KLHL14: variants seen among roughly 807,000 people sequenced by gnomAD.
KLHL14 encodes kelch-like protein 14.
KLHL14 carries 22 observed loss-of-function variants against 64.3 expected under a neutral mutation model. The ratio of observed to expected loss-of-function variants is 0.34; its 90% CI spans 0.24 to 0.49. The LOEUF (loss-of-function observed/expected upper bound fraction) is 0.49. Among genes scored for constraint, KLHL14 ranks in the 20% least tolerant of loss-of-function variants. KLHL14 has a pLI of 0.99. For missense variants in KLHL14, 661 were observed against 789.0 expected (o/e 0.84, Z 1.94); for synonymous variants, 322 against 333.4 (o/e 0.97, Z 0.37).
intron 3 of KLHL14, among the ~76,000 whole-genome samples, chr18:32,729,355 A>G (rs1280939458): frequency 6.6e-6 from 1 of 152,162 alleles, no homozygotes; most frequent in Non-Finnish European, 1.5e-5. Context: ...TAAAATTAGA[A>G]ATTGAGTTTC....
In KLHL14 at chr18:32,680,323, A is replaced by G; in HGVS notation, c.1434T>C (p.Gly478=). The change falls in exon 7 of 9, where the codon GGT becomes GGC. Residue 478 remains glycine, a synonymous_variant. Coordinates refer to ENST00000359358, the MANE Select transcript of KLHL14 (RefSeq NM_020805.3). The surrounding 1 kb of genome is among the most constrained non-coding windows in gnomAD (Gnocchi z 4.8). ...VHNGKIYISG[G]VHNGEYVPWL... ...ATGGGACATATTCTCCATTGTGTAC[A>G]CCCCCTGTGAAATAAACATAGACAT... 6.2e-7 allele frequency: 1 copy of G among 1,613,696 alleles called. No homozygotes were observed. The highest frequency in any genetic ancestry group is 1.1e-5 in the South Asian group (1 of 91,072).
rs1172042838 is a variant in KLHL14, at chr18:32,674,663, G to A, written c.1881C>T (p.Asn627=). ...ATTCCAGAGTTTCCTGGTGTTATTT[G>A]TTGTATGGTACACAAGAGGGCAGAA... ...TVILPSCVPY[N]K The change falls in exon 9 of 9, where the codon AAC becomes AAT. Residue 627 remains asparagine, a synonymous_variant. Coordinates refer to ENST00000359358, the MANE Select transcript of KLHL14 (RefSeq NM_020805.3). 1.3e-6 allele frequency: 1 copy of A among 780,574 alleles called. No homozygotes were observed. Among genetic ancestry groups the A allele is most frequent in the Middle Eastern group, 2.3e-4 (1 of 4,434 alleles). 48.4% of individuals were successfully genotyped at this position (780,574 alleles called of 1,614,324 possible). A position where few individuals can be genotyped will look rare whatever the true frequency, so the allele number is the denominator to read the frequency against.
intron 2 of KLHL14, among the ~76,000 whole-genome samples, chr18:32,760,339 T>TACACAC (rs60814600): frequency 1.4e-3 from 205 of 146,944 alleles, no homozygotes; most frequent in African/African-American, 4.5e-3. Flanking sequence ...CACACAGACA[T>TACACAC]ACACACACAC....
chr18:32,694,232 C>G (rs2049926296), intron 4 of KLHL14, among the ~76,000 whole-genome samples: 1 of 152,194 alleles, frequency 6.6e-6, no homozygotes, highest in Admixed American at 6.5e-5. Flanking sequence ...AGATTATTTG[C>G]TTAGATAAAC....
At chr18:32,721,513 T>C (rs1468242460) in intron 3 of KLHL14, among the ~76,000 whole-genome samples, 1 of 152,226 alleles carries the variant, frequency 6.6e-6, no homozygotes, top group African/African-American at 2.4e-5. Context: ...TATTGATATC[T>C]ACACTCACTG....
chr18:32,743,997 C>G (rs1229298667), intron 2 of KLHL14: 1 of 152,200 alleles, frequency 6.6e-6, no homozygotes, highest in African/African-American at 2.4e-5. Context: ...ACCTGTTCAA[C>G]TGGAAGTCAC....
In KLHL14 at chr18:32,680,161, A is replaced by G. The variant is rs188769401; in HGVS notation, c.1588+8T>C. The G allele has an allele frequency of 1.0e-4, 166 of 1,612,538 alleles. No individual in the cohort carries two copies. In the African/African-American group the frequency reaches 2.0e-3, roughly 19 times the overall value. On this transcript the variant is annotated splice_region_variant and intron_variant, in intron 7 of 8. Coordinates refer to ENST00000359358, the MANE Select transcript of KLHL14 (RefSeq NM_020805.3). This position sits in a 1 kb window ranked among gnomAD's most constrained non-coding sequence, Gnocchi z 4.8. ...TGTGACTAAAAAACAAAACAACAAA[A>G]AAAAGACCTTTCAAATGATTTCCTC...
chr18:32,750,952 T>A (rs2050248029), intron 2 of KLHL14, among the ~76,000 whole-genome samples: 1 of 152,208 alleles, frequency 6.6e-6, no homozygotes, highest in African/African-American at 2.4e-5. Flanking sequence ...ACCTATCTTA[T>A]TATAACCTCT....
In KLHL14 at chr18:32,680,695, G is replaced by A; in HGVS notation, c.1239-96C>T. On this transcript the variant is annotated intron_variant, in intron 5 of 8. Coordinates refer to ENST00000359358, the MANE Select transcript of KLHL14 (RefSeq NM_020805.3). The surrounding 1 kb of genome is among the most constrained non-coding windows in gnomAD (Gnocchi z 4.8). ...CACCACACAGCTAGTCAGGGAAAGG[G>A]GTGCATTCTGCTTCAGAAAGGGTTG... 8.4e-7 allele frequency: 1 copy of A among 1,195,872 alleles called. No individual in the cohort carries two copies. Among genetic ancestry groups the A allele is most frequent in the Non-Finnish European group, 1.2e-6 (1 of 864,582 alleles). The allele number at this position is 1,195,872 out of a possible 1,614,324, so 74.1% of individuals were successfully genotyped here.
chr18:32,698,713 A>G (rs2049948306), intron 3 of KLHL14, among the ~76,000 whole-genome samples: 1 of 152,198 alleles, frequency 6.6e-6, no homozygotes, highest in African/African-American at 2.4e-5. Context: ...TTTATTAAAC[A>G]AACAGGTAGT....
intron 3 of KLHL14, 55 bp downstream of exon 3, chr18:32,741,873 A>C: frequency 6.8e-7 from 1 of 1,462,882 alleles, no homozygotes; most frequent in Non-Finnish European, 9.1e-7. Context: ...TCATCAAGAC[A>C]GCGCTAACCT....
chr18:32,739,642 GCACACACACACA>G (rs61442102), intron 3 of KLHL14, among the ~76,000 whole-genome samples: 2 of 147,294 alleles, frequency 1.4e-5, no homozygotes, highest in East Asian at 4.0e-4. Context: ...TAAGAACTTT[GCACACACACACA>G]CACACACACA....
intron 5 of KLHL14, among the ~76,000 whole-genome samples, chr18:32,686,414 C>T (rs2049879556): frequency 6.6e-6 from 1 of 152,058 alleles, no homozygotes; most frequent in Admixed American, 6.5e-5. Context: ...TGTGAATTTG[C>T]ATGTGCAGAT....
At chr18:32,758,154 G>A (rs761303871) in intron 2 of KLHL14, among the ~76,000 whole-genome samples, 2 of 150,874 alleles carry the variant, frequency 1.3e-5, no homozygotes, top group East Asian at 1.9e-4. Flanking sequence ...ATGGTGTCTC[G>A]CTCTATTGCC....
At chr18:32,695,043 G>A (rs1427521324) in intron 4 of KLHL14, among the ~76,000 whole-genome samples, 7 of 152,100 alleles carry the variant, frequency 4.6e-5, no homozygotes, top group South Asian at 2.1e-4. Flanking sequence ...AATTATGTGC[G>A]GCATGACTGG....
chr18:32,708,906 C>T (rs1482304745), intron 3 of KLHL14, among the ~76,000 whole-genome samples: 1 of 152,172 alleles, frequency 6.6e-6, no homozygotes, highest in Non-Finnish European at 1.5e-5. Context: ...CAGTACTGCC[C>T]TGCCCTCCTG....
chr18:32,709,781 CA>C (rs2050010133), intron 3 of KLHL14, among the ~76,000 whole-genome samples: 1 of 152,146 alleles, frequency 6.6e-6, no homozygotes. Context: ...ATGCTTTGCA[CA>C]TAGTGGATGC....
chr18:32,756,445 C>T (rs958522761), intron 2 of KLHL14, among the ~76,000 whole-genome samples: 1 of 151,494 alleles, frequency 6.6e-6, no homozygotes, highest in Non-Finnish European at 1.5e-5. Context: ...GAAACACTTT[C>T]AAAAAAAACC....
chr18:32,745,459 T>C (rs2050219662), intron 2 of KLHL14: 1 of 152,196 alleles, frequency 6.6e-6, no homozygotes. Context: ...ACGTGGTAGG[T>C]ATAACTCTCC....
Sources: allele counts gnomAD v4.1 joint callset (sites outside exome capture counted in the v4.1 genomes callset), GRCh38; gene constraint gnomAD v4.1.1; non-coding constraint Gnocchi (gnomAD v3.1); transcripts MANE v1.5; gene names NCBI Gene and HGNC (gene_info 2026-07-23, HGNC 2026-07-21).